The following WWOX variants were observed in gnomAD, a reference collection of about 807,000 sequenced individuals.
WWOX encodes WW domain-containing oxidoreductase.
A neutral mutation model predicts 46.2 loss-of-function variants in WWOX; 69 were observed. That is an observed-to-expected ratio of 1.49 (90% CI 1.23 to 1.82). The LOEUF (loss-of-function observed/expected upper bound fraction) is 1.82, where lower values mean the gene tolerates loss of function less well. Ranked by LOEUF, WWOX falls within the 40% of genes most tolerant of loss-of-function variation. The pLI is 0.00. For missense variants in WWOX, 919 were observed against 542.6 expected (o/e 1.69, Z -6.89); for synonymous variants, 359 against 202.6 (o/e 1.77, Z -6.56).
intron 5 of WWOX, among the ~76,000 whole-genome samples, chr16:78,378,781 A>C (rs1322448427): frequency 6.6e-6 from 1 of 152,236 alleles, no homozygotes; most frequent in Non-Finnish European, 1.5e-5. Context: ...ATAAGCTCTG[A>C]GTGTAGATTA....
intron 6 of WWOX, among the ~76,000 whole-genome samples, chr16:78,394,672 A>T (rs8059996): frequency 0.071 from 10,849 of 152,260 alleles, 475 homozygotes; most frequent in South Asian, 0.17. Flanking sequence ...GACTATTAAG[A>T]TCTCTGTTGC....
chr16:79,079,816 G>A (rs183633514), intron 8 of WWOX, among the ~76,000 whole-genome samples: 1 of 152,072 alleles, frequency 6.6e-6, no homozygotes, highest in East Asian at 1.9e-4. Context: ...AAGGAGAGAG[G>A]GTTGGACACA....
intron 8 of WWOX, among the ~76,000 whole-genome samples, chr16:79,031,361 G>C (rs2047750355): frequency 6.6e-6 from 1 of 152,124 alleles, no homozygotes; most frequent in African/African-American, 2.4e-5. Context: ...AGTCTACACA[G>C]CTCCTGCCTC....
At chr16:78,515,236 TAAAAC>T (rs1333364389) in intron 8 of WWOX, among the ~76,000 whole-genome samples, 2 of 151,950 alleles carry the variant, frequency 1.3e-5, no homozygotes, top group East Asian at 1.9e-4. Context: ...AAACAGAAAA[TAAAAC>T]AAACAAAAAA....
intron 8 of WWOX, among the ~76,000 whole-genome samples, chr16:78,696,770 A>G (rs919158382): frequency 1.3e-5 from 2 of 152,166 alleles, no homozygotes; most frequent in Non-Finnish European, 2.9e-5. Flanking sequence ...TCACTCGAGC[A>G]GTATACACTG....
At chr16:78,689,868 G>C (rs1240637717) in intron 8 of WWOX, among the ~76,000 whole-genome samples, 1 of 151,408 alleles carries the variant, frequency 6.6e-6, no homozygotes, top group Non-Finnish European at 1.5e-5. Context: ...TTTTTTTTGT[G>C]TGTTTTTTTG....
chr16:78,333,043 C>CTTTTTTTTTTTTTTTTTTGTTT (rs2080798659), intron 5 of WWOX, among the ~76,000 whole-genome samples: 1 of 57,094 alleles, frequency 1.8e-5, no homozygotes, highest in Non-Finnish European at 3.8e-5. Context: ...GAGCATTATA[C>CTTTTTTTTTTTTTTTTTTGTTT]TTTTTTTTTT....
At chr16:78,320,347 G>T (rs747000383) in intron 5 of WWOX, among the ~76,000 whole-genome samples, 2 of 152,122 alleles carry the variant, frequency 1.3e-5, no homozygotes, top group Non-Finnish European at 2.9e-5. Context: ...TACTAAATTG[G>T]TTCAGATTCT....
At chr16:78,464,126 TG>T (rs1181346132) in intron 8 of WWOX, among the ~76,000 whole-genome samples, 1 of 152,066 alleles carries the variant, frequency 6.6e-6, no homozygotes, top group Non-Finnish European at 1.5e-5. Context: ...ATCTGAGAGA[TG>T]TGGCATGAGG....
chr16:78,960,385 C>G (rs1376711038), intron 8 of WWOX, among the ~76,000 whole-genome samples: 1 of 152,190 alleles, frequency 6.6e-6, no homozygotes, highest in Admixed American at 6.5e-5. Context: ...GCTGATACTA[C>G]CTGTCCTTCA....
chr16:78,397,644 C>T (rs2082318388), intron 6 of WWOX, among the ~76,000 whole-genome samples: 1 of 152,154 alleles, frequency 6.6e-6, no homozygotes, highest in African/African-American at 2.4e-5. Context: ...AGATTTGTCC[C>T]ATGAGTAAAA....
At chr16:78,453,530 A>G (rs1225357697) in intron 8 of WWOX, among the ~76,000 whole-genome samples, 5 of 152,198 alleles carry the variant, frequency 3.3e-5, no homozygotes, top group East Asian at 3.9e-4. Context: ...TAAGGACTCA[A>G]TACGTGGGTT....
chr16:78,792,884 A>G (rs1285255167), intron 8 of WWOX, among the ~76,000 whole-genome samples: 3 of 152,158 alleles, frequency 2.0e-5, no homozygotes, highest in Admixed American at 6.5e-5. Context: ...AATCCACACT[A>G]GAAGGACAGA....
chr16:78,761,495 G>C (rs1489975383), intron 8 of WWOX, among the ~76,000 whole-genome samples: 1 of 152,082 alleles, frequency 6.6e-6, no homozygotes, highest in Non-Finnish European at 1.5e-5. Flanking sequence ...ATCTGTAGTG[G>C]TTGGTCTGCT....
At chr16:78,693,665 C>T (rs554741601) in intron 8 of WWOX, among the ~76,000 whole-genome samples, 1 of 152,204 alleles carries the variant, frequency 6.6e-6, no homozygotes, top group African/African-American at 2.4e-5. Context: ...GGTGACATAA[C>T]TATTGGCATC....
intron 8 of WWOX, among the ~76,000 whole-genome samples, chr16:79,140,491 A>C (rs1393957941): frequency 6.6e-6 from 1 of 152,210 alleles, no homozygotes; most frequent in Non-Finnish European, 1.5e-5. Context: ...TTTGGAGTTC[A>C]GTAGATTCCT....
chr16:78,683,651 C>A (rs1437604733), intron 8 of WWOX, among the ~76,000 whole-genome samples: 1 of 152,124 alleles, frequency 6.6e-6, no homozygotes, highest in Non-Finnish European at 1.5e-5. Context: ...ATCCTCCTGC[C>A]TCGGCTTCCC....
intron 8 of WWOX, among the ~76,000 whole-genome samples, chr16:78,554,984 C>G (rs990274702): frequency 2.6e-4 from 40 of 152,134 alleles, no homozygotes; most frequent in African/African-American, 8.9e-4. Context: ...GAAAAGGGGC[C>G]CGGATAAACC....
At chr16:78,805,865 G>GT (rs1423687430) in intron 8 of WWOX, among the ~76,000 whole-genome samples, 3 of 152,286 alleles carry the variant, frequency 2.0e-5, no homozygotes, top group South Asian at 2.1e-4. Flanking sequence ...AAGATTAAGA[G>GT]TTTTTTTCTG....
Sources: gnomAD v4.1 joint callset for allele counts (sites outside exome capture counted in the v4.1 genomes callset) on GRCh38, gnomAD v4.1.1 for gene constraint, MANE v1.5 for transcripts, NCBI Gene and HGNC (gene_info 2026-07-23, HGNC 2026-07-21) for gene names.